UGGT1: variants seen among roughly 807,000 people sequenced by gnomAD.
UGGT1 encodes the protein UDP-glucose:glycoprotein glucosyltransferase 1.
A neutral mutation model predicts 203.9 loss-of-function variants in UGGT1; 107 were observed. The ratio of observed to expected loss-of-function variants is 0.52; its 90% CI spans 0.45 to 0.62. The LOEUF (loss-of-function observed/expected upper bound fraction) is 0.62. Among genes scored for constraint, UGGT1 ranks in the 20% least tolerant of loss-of-function variants. UGGT1 has a pLI of 0.00. For missense variants in UGGT1, 1,673 were observed against 1,867.2 expected (o/e 0.90, Z 1.92); for synonymous variants, 628 against 653.5 (o/e 0.96, Z 0.59).
chr2:128,170,217 T>C (rs1691022353), intron 26 of UGGT1, 71 bp from the exon 27 acceptor site: 4 of 1,270,122 alleles, frequency 3.1e-6, no homozygotes, highest in Non-Finnish European at 4.6e-6. Context: ...AGGTTGAAGG[T>C]TATATTGTAC....
At chr2:128,185,178 C>T (rs930877395) in intron 38 of UGGT1, among the ~76,000 whole-genome samples, 34 of 151,348 alleles carry the variant, frequency 2.2e-4, no homozygotes, top group Admixed American at 2.2e-3. Flanking sequence ...AATGGTATCA[C>T]CCAACAGTAT....
rs932777192 is a variant in UGGT1 at position 128,133,348 on chromosome 2, C to T, written c.1497+88C>T. ...TGTCATGTAGAATGGTCACTTCTCA[C>T]CTTTACTAGCTGCTTCCTCCCCCAC... On this transcript the variant is annotated intron_variant, in intron 14 of 40. Transcript: ENST00000259253. The T allele has an allele frequency of 4.0e-6, 6 of 1,511,170 alleles. No homozygotes were observed. In the Admixed American group the frequency reaches 5.2e-5, roughly 13 times the overall value. The allele number at this position is 1,511,170 out of a possible 1,614,324, so 93.6% of individuals were successfully genotyped here.
At chr2:128,186,598 C>A (rs1056660787) in intron 38 of UGGT1, 85 bp from the exon 39 acceptor site, 12 of 1,119,376 alleles carry the variant, frequency 1.1e-5, no homozygotes, top group Non-Finnish European at 1.4e-5. Context: ...CAGAGTGGGA[C>A]CCCATCTCTC....
chr2:128,147,487 T>G (rs1436474048), intron 18 of UGGT1, among the ~76,000 whole-genome samples: 1 of 152,224 alleles, frequency 6.6e-6, no homozygotes, highest in African/African-American at 2.4e-5. Context: ...TTGGACTTAC[T>G]CAGAATAATA....
At chr2:128,100,426 G>C (rs997327555) in intron 2 of UGGT1, among the ~76,000 whole-genome samples, 8 of 151,522 alleles carry the variant, frequency 5.3e-5, no homozygotes, top group Admixed American at 2.6e-4. Context: ...CTTTTTTTGA[G>C]ATGGAGTTTC....
chr2:128,171,053 C>T (rs1691071754), intron 27 of UGGT1, 152 bp from the exon 28 acceptor site: 2 of 676,920 alleles, frequency 3.0e-6, no homozygotes, highest in Admixed American at 3.0e-5. Flanking sequence ...GTAGATTGTG[C>T]AGTAGAGTTG....
In UGGT1 at chr2:128,182,194, C is replaced by G; in HGVS notation, c.4148C>G (p.Thr1383Ser). The part of the protein sequence containing the change: ...FNLDGAPYGY[T>S]PFCDSRREMD... Reference sequence around the variant, plus strand: ...TTGGATGGTGCTCCTTATGGTTACACTCCTTTCTGTGACAGCCGAAGAGAA... The same window carrying G: ...TTGGATGGTGCTCCTTATGGTTACAGTCCTTTCTGTGACAGCCGAAGAGAA... The change falls in exon 37 of 41, where the codon ACT (threonine) becomes AGT (serine). Residue 1383 changes from threonine (T) to serine (S), a missense_variant. Around this residue, in one of 4 missense-constraint regions of UGGT1, gnomAD observed 513 missense variants for 684.1 expected, o/e 0.75. Coordinates refer to ENST00000259253, the MANE Select transcript of UGGT1 (RefSeq NM_020120.4). The G allele has an allele frequency of 1.9e-6, 3 of 1,614,198 alleles. No homozygotes were observed. The highest frequency in any genetic ancestry group is 8.5e-7 in the Non-Finnish European group (1 of 1,180,028).
At chr2:128,155,666 AAG>A in intron 20 of UGGT1, 79 bp downstream of exon 20, 4 of 1,085,050 alleles carry the variant, frequency 3.7e-6, no homozygotes, top group South Asian at 2.9e-5. Context: ...TGTGCAAATT[AAG>A]AGAGAAAAGG....
intron 30 of UGGT1, among the ~76,000 whole-genome samples, chr2:128,174,426 G>C (rs914691540): frequency 3.3e-5 from 5 of 151,448 alleles, no homozygotes; most frequent in African/African-American, 1.2e-4. Context: ...AGCCTCCTGA[G>C]TAGCTGGGAT....
At chr2:128,140,325 G>A in intron 16 of UGGT1, 1 of 154,210 alleles carries the variant, frequency 6.5e-6, no homozygotes, top group Non-Finnish European at 1.5e-5. Context: ...CCTTTTGTGG[G>A]ATGGGGTGGT....
At chr2:128,144,433 T>G (rs1027627366) in intron 17 of UGGT1, among the ~76,000 whole-genome samples, 1 of 152,226 alleles carries the variant, frequency 6.6e-6, no homozygotes, top group Admixed American at 6.5e-5. Context: ...AGTTACTGTT[T>G]GCAGACAAAA....
At chr2:128,188,049 C>A (rs1201391645) in intron 40 of UGGT1, among the ~76,000 whole-genome samples, 6 of 141,314 alleles carry the variant, frequency 4.2e-5, no homozygotes, top group African/African-American at 1.6e-4. Context: ...GAGACAGAGT[C>A]TCACTCTGTT....
intron 16 of UGGT1, chr2:128,140,167 G>T: frequency 5.8e-6 from 1 of 172,230 alleles, no homozygotes; most frequent in South Asian, 1.6e-4. Flanking sequence ...GGTCAGCTTA[G>T]AGCTAGAGAA....
At chr2:128,189,617 G>A in intron 40 of UGGT1, 100 bp from the exon 41 acceptor site, 4 of 1,195,340 alleles carry the variant, frequency 3.3e-6, no homozygotes, top group Non-Finnish European at 4.8e-6. Flanking sequence ...TGAAGGTGGA[G>A]GTACAAAGAA....
intron 18 of UGGT1, among the ~76,000 whole-genome samples, chr2:128,148,138 T>G (rs1460088151): frequency 1.3e-5 from 2 of 152,130 alleles, no homozygotes; most frequent in Non-Finnish European, 2.9e-5. Context: ...CTCAGCTCAC[T>G]GCAACCTCCG....
intron 21 of UGGT1, 137 bp downstream of exon 21, chr2:128,156,552 A>G (rs1021211944): frequency 5.5e-6 from 3 of 547,454 alleles, no homozygotes; most frequent in African/African-American, 4.2e-5. Context: ...ATCAATGTAG[A>G]TAATTTTTTT....
At chr2:128,110,613 A>G (rs1687803783) in intron 5 of UGGT1, among the ~76,000 whole-genome samples, 1 of 152,220 alleles carries the variant, frequency 6.6e-6, no homozygotes, top group African/African-American at 2.4e-5. Context: ...TGCTACAACA[A>G]TAATGCACAC....
chr2:128,134,804 A>T, intron 14 of UGGT1, 72 bp from the exon 15 acceptor site: 3 of 1,396,910 alleles, frequency 2.1e-6, no homozygotes, highest in Non-Finnish European at 3.0e-6. Flanking sequence ...ACAGTGACTC[A>T]TAACATTTTT....
At position 128,129,152 on chromosome 2, in the gene UGGT1, C is replaced by G. The variant is rs751793268; in HGVS notation, c.1350C>G (p.Ala450=). 2 of 1,612,122 alleles carry G rather than the reference C, an allele frequency of 1.2e-6. No homozygotes were observed. The highest frequency in any genetic ancestry group is 1.3e-5 in the African/African-American group (1 of 74,720). The change falls in exon 13 of 41, where the codon GCC becomes GCG. Residue 450 remains alanine (A), a synonymous_variant. Coordinates refer to ENST00000259253, the MANE Select transcript of UGGT1 (RefSeq NM_020120.4). ...LNIQPSEADY[A]VDIRSPAISW... is the part of the protein sequence containing the mutation. ...TCCAGCCCTCTGAGGCAGACTATGC[C>G]GTAGACATCCGGAGTCCTGCTATTT...
Sources: allele counts gnomAD v4.1 joint callset (sites outside exome capture counted in the v4.1 genomes callset), GRCh38; gene constraint gnomAD v4.1.1; regional missense constraint gnomAD v4.1.1; transcripts MANE v1.5; gene names NCBI Gene and HGNC (gene_info 2026-07-23, HGNC 2026-07-21).